ANO3: variants seen among roughly 807,000 people sequenced by gnomAD.
ANO3 encodes anoctamin-3.
In ANO3, 99 loss-of-function variants were observed where a neutral mutation model predicts 144.8. That is an observed-to-expected ratio of 0.68 (90% CI 0.58 to 0.81). ANO3 has a LOEUF of 0.81. ANO3 is among the 30% of genes least tolerant of loss of function. ANO3 has a pLI of 0.00. For missense variants in ANO3, 905 were observed against 1,202.2 expected (o/e 0.75, Z 3.66); for synonymous variants, 414 against 392.6 (o/e 1.05, Z -0.64).
At chr11:26,261,668 C>T (rs778615349) in intron 1 of ANO3, among the ~76,000 whole-genome samples, 5 of 152,172 alleles carry the variant, frequency 3.3e-5, no homozygotes, top group Admixed American at 6.5e-5. Flanking sequence ...CACACCAAGG[C>T]AAACTGTTTC....
At chr11:26,620,388 A>G (rs1405683424) in intron 17 of ANO3, among the ~76,000 whole-genome samples, 2 of 151,682 alleles carry the variant, frequency 1.3e-5, no homozygotes, top group African/African-American at 4.8e-5. Context: ...AAAAACCTGG[A>G]ATTAGGCTAA....
At chr11:26,246,273 C>T (rs111773780) in intron 1 of ANO3, among the ~76,000 whole-genome samples, 93 of 152,038 alleles carry the variant, frequency 6.1e-4, no homozygotes, top group African/African-American at 2.0e-3. Context: ...GTACATATTA[C>T]GGAAAATATA....
At chr11:26,338,310 A>G (rs1855248087) in intron 1 of ANO3, among the ~76,000 whole-genome samples, 1 of 152,148 alleles carries the variant, frequency 6.6e-6, no homozygotes, top group East Asian at 1.9e-4. Context: ...GTGTCTAGCT[A>G]AAGGTTTGTA....
At chr11:26,518,140 C>A (rs903339866) in intron 6 of ANO3, among the ~76,000 whole-genome samples, 3 of 151,966 alleles carry the variant, frequency 2.0e-5, no homozygotes, top group Non-Finnish European at 2.9e-5. Flanking sequence ...ACCTAATAAA[C>A]TAATTTTGAG....
intron 17 of ANO3, among the ~76,000 whole-genome samples, chr11:26,614,207 A>G (rs1443491897): frequency 6.6e-6 from 1 of 152,214 alleles, no homozygotes; most frequent in Admixed American, 6.5e-5. Flanking sequence ...ACTGGCTGTC[A>G]GGCTAGGTAT....
At chr11:26,409,234 A>G (rs922585879) in intron 1 of ANO3, among the ~76,000 whole-genome samples, 1 of 151,766 alleles carries the variant, frequency 6.6e-6, no homozygotes, top group Non-Finnish European at 1.5e-5. Flanking sequence ...TCTAGCAGGT[A>G]TACTTACACA....
At chr11:26,473,704 G>A (rs1057453934) in intron 4 of ANO3, among the ~76,000 whole-genome samples, 2 of 151,760 alleles carry the variant, frequency 1.3e-5, no homozygotes, top group Non-Finnish European at 2.9e-5. Flanking sequence ...ACATACAATA[G>A]ATTATTAATA....
intron 1 of ANO3, among the ~76,000 whole-genome samples, chr11:26,201,348 A>T (rs1851688787): frequency 6.6e-6 from 1 of 152,156 alleles, no homozygotes; most frequent in Non-Finnish European, 1.5e-5. Flanking sequence ...TAAAACTTTT[A>T]TATTCAAGAT....
intron 1 of ANO3, among the ~76,000 whole-genome samples, chr11:26,224,031 C>T (rs1381179): frequency 0.3 from 45,994 of 151,994 alleles, 7,710 homozygotes; most frequent in Non-Finnish European, 0.37. Context: ...AAGGTTTTGG[C>T]TAAGTTGGTG....
chr11:26,191,331 CACAT>C (rs1448874093), intron 1 of ANO3, among the ~76,000 whole-genome samples: 1 of 147,136 alleles, frequency 6.8e-6, no homozygotes, highest in African/African-American at 2.5e-5. Context: ...TATATATACA[CACAT>C]ACACACACAC....
chr11:26,410,963 T>G (rs1857414340), intron 1 of ANO3, among the ~76,000 whole-genome samples: 1 of 152,008 alleles, frequency 6.6e-6, no homozygotes, highest in Non-Finnish European at 1.5e-5. Context: ...GGCTATGGGA[T>G]TTCCGGATCT....
intron 6 of ANO3, among the ~76,000 whole-genome samples, chr11:26,525,398 A>T (rs1352216944): frequency 1.3e-5 from 2 of 152,050 alleles, no homozygotes; most frequent in East Asian, 3.8e-4. Flanking sequence ...CTATTTTTTC[A>T]AAAGTGGTCT....
chr11:26,563,091 G>A (rs377300882), intron 14 of ANO3: 4 of 1,608,590 alleles, frequency 2.5e-6, no homozygotes, highest in African/African-American at 1.3e-5. Context: ...CTGTGCCCAG[G>A]TGAAGTATTG....
intron 1 of ANO3, among the ~76,000 whole-genome samples, chr11:26,359,219 T>C (rs931633836): frequency 1.3e-5 from 2 of 152,202 alleles, no homozygotes; most frequent in African/African-American, 4.8e-5. Context: ...TCAAATTAGC[T>C]TGGCAACAGA....
intron 5 of ANO3, among the ~76,000 whole-genome samples, chr11:26,509,263 A>G (rs557004512): frequency 6.6e-6 from 1 of 152,188 alleles, no homozygotes; most frequent in South Asian, 2.1e-4. Flanking sequence ...CTACTGAGAA[A>G]AAGAAAATCA....
intron 1 of ANO3, among the ~76,000 whole-genome samples, chr11:26,338,525 G>C (rs1855255370): frequency 6.6e-6 from 1 of 152,302 alleles, no homozygotes; most frequent in African/African-American, 2.4e-5. Context: ...ACCCCAGCCA[G>C]CAGCAGCAAC....
intron 4 of ANO3, among the ~76,000 whole-genome samples, chr11:26,502,220 A>T (rs975102974): frequency 6.6e-6 from 1 of 152,196 alleles, no homozygotes; most frequent in African/African-American, 2.4e-5. Context: ...TACATTATAT[A>T]GTTTTACCTG....
rs116492850 is a variant in ANO3, at chr11:26,360,770, T to A, written c.46+28449T>A. On this transcript the variant is annotated intron_variant, in intron 1 of 26. Transcript: ENST00000256737. ...TTTGTTACCTTATGTGTTCTAAAAG[T>A]TTATTCATATCTCTCAACATTATCA... Among the ~76,000 whole-genome samples, 746 of 152,346 alleles carry A rather than the reference T, an allele frequency of 4.9e-3. 5 individuals carry two copies. The highest frequency in any genetic ancestry group is 0.017 in the African/African-American group (722 of 41,580).
chr11:26,397,956 A>G (rs548611713), intron 1 of ANO3, among the ~76,000 whole-genome samples: 2 of 152,080 alleles, frequency 1.3e-5, no homozygotes, highest in South Asian at 4.2e-4. Flanking sequence ...TTAGCTCCCA[A>G]ATGGTGAAGA....
Sources: gnomAD v4.1 joint callset for allele counts (sites outside exome capture counted in the v4.1 genomes callset) on GRCh38, gnomAD v4.1.1 for gene constraint, MANE v1.5 for transcripts, NCBI Gene and HGNC (gene_info 2026-07-23, HGNC 2026-07-21) for gene names.